LRRC4C: variants seen among roughly 807,000 people sequenced by gnomAD.
LRRC4C encodes leucine-rich repeat-containing protein 4C.
LRRC4C carries 5 observed loss-of-function variants against 33.6 expected under a neutral mutation model. The ratio of observed to expected loss-of-function variants is 0.15; its 90% CI spans 0.08 to 0.31. The LOEUF is 0.31. Ranked by LOEUF, LRRC4C falls within the 10% of genes least tolerant of loss-of-function variation. The pLI, the probability that LRRC4C is intolerant of heterozygous loss-of-function variation, is 1.00. For missense variants in LRRC4C, 560 were observed against 796.7 expected, an observed-to-expected ratio of 0.70 and a Z score of 3.58; for synonymous variants, 329 against 302.0, an observed-to-expected ratio of 1.09 and a Z score of -0.93.
At chr11:40,161,423 T>C (rs887110945) in intron 5 of LRRC4C, among the ~76,000 whole-genome samples, 3 of 152,202 alleles carry the variant, frequency 2.0e-5, no homozygotes, top group Non-Finnish European at 2.9e-5. Flanking sequence ...ATTTCTAAAA[T>C]AGCTCATGAA....
chr11:40,792,071 A>G (rs983007537), intron 2 of LRRC4C, among the ~76,000 whole-genome samples: 3 of 152,156 alleles, frequency 2.0e-5, no homozygotes, highest in African/African-American at 7.2e-5. Flanking sequence ...TTTTTTAACT[A>G]TAAGCATCAA....
intron 1 of LRRC4C, among the ~76,000 whole-genome samples, chr11:41,226,438 G>T (rs1947537969): frequency 6.6e-6 from 1 of 152,068 alleles, no homozygotes; most frequent in Non-Finnish European, 1.5e-5. Flanking sequence ...CTCAGTAGAG[G>T]ACACTGCCAT....
intron 4 of LRRC4C, among the ~76,000 whole-genome samples, chr11:40,256,773 A>G (rs985525758): frequency 2.0e-5 from 3 of 152,142 alleles, no homozygotes; most frequent in African/African-American, 4.8e-5. Flanking sequence ...CCAGAATCTT[A>G]CTTTAGTAGG....
intron 2 of LRRC4C, among the ~76,000 whole-genome samples, chr11:40,821,466 T>C (rs1327444940): frequency 1.3e-5 from 2 of 151,648 alleles, no homozygotes; most frequent in East Asian, 1.9e-4. Context: ...TTATTATAGA[T>C]TTGAGATTTG....
chr11:40,253,737 G>A (rs1317792621), intron 4 of LRRC4C, among the ~76,000 whole-genome samples: 3 of 152,138 alleles, frequency 2.0e-5, no homozygotes, highest in Non-Finnish European at 2.9e-5. Context: ...CTCGACGTAA[G>A]CCACCTGAGG....
At chr11:40,566,863 A>G (rs1298969201) in intron 3 of LRRC4C, among the ~76,000 whole-genome samples, 1 of 152,178 alleles carries the variant, frequency 6.6e-6, no homozygotes, top group African/African-American at 2.4e-5. Flanking sequence ...TCAAAATAAA[A>G]GCATAAATTA....
At chr11:41,250,481 C>T (rs1948604070) in intron 1 of LRRC4C, among the ~76,000 whole-genome samples, 1 of 152,058 alleles carries the variant, frequency 6.6e-6, no homozygotes, top group African/African-American at 2.4e-5. Context: ...TAAAATTTTC[C>T]TTGACATAAT....
intron 2 of LRRC4C, among the ~76,000 whole-genome samples, chr11:40,741,737 A>G (rs956290075): frequency 3.9e-5 from 6 of 152,098 alleles, no homozygotes; most frequent in African/African-American, 1.2e-4. Context: ...TGAAATTTTG[A>G]TAATCAAATA....
intron 5 of LRRC4C, among the ~76,000 whole-genome samples, chr11:40,165,179 T>C (rs578129446): frequency 6.6e-6 from 1 of 152,348 alleles, no homozygotes; most frequent in African/African-American, 2.4e-5. Context: ...GCTTTGTGTT[T>C]GCATATGTCT....
intron 1 of LRRC4C, among the ~76,000 whole-genome samples, chr11:41,089,258 T>C (rs770474256): frequency 1.2e-4 from 19 of 152,020 alleles, no homozygotes; most frequent in Non-Finnish European, 2.4e-4. Flanking sequence ...TTGATAATTA[T>C]GGATTTGAAA....
At position 40,161,349 on chromosome 11, in the gene LRRC4C, C is replaced by T. The variant is rs950140087; in HGVS notation, c.-95-20496G>A. On this transcript the variant is annotated intron_variant, in intron 5 of 6. Transcript: ENST00000528697. ...AGACTAGGCCTCCCAAATGTATACA[C>T]AAATTATTTTTTAAATCAGCAACAA... is the stretch of plus-strand genomic sequence containing the variant. Among the ~76,000 whole-genome samples the T allele has an allele frequency of 5.3e-5, 8 of 152,260 alleles. No homozygotes were observed. The East Asian group carries it at 7.7e-4, about 15-fold the overall frequency.
chr11:40,610,691 T>C (rs975032911), intron 3 of LRRC4C, among the ~76,000 whole-genome samples: 3 of 151,802 alleles, frequency 2.0e-5, no homozygotes, highest in Admixed American at 6.6e-5. Context: ...GGATACAAGC[T>C]CAACATATAA....
At chr11:41,451,349 CATAGAT>C (rs200306680) in intron 1 of LRRC4C, among the ~76,000 whole-genome samples, 7 of 151,700 alleles carry the variant, frequency 4.6e-5, no homozygotes, top group South Asian at 2.1e-4. Context: ...CATAGACATA[CATAGAT>C]ATAGATATAG....
At chr11:40,502,056 G>A (rs1045567024) in intron 3 of LRRC4C, among the ~76,000 whole-genome samples, 9 of 152,114 alleles carry the variant, frequency 5.9e-5, no homozygotes, top group African/African-American at 2.2e-4. Context: ...TAGTGCAGGG[G>A]CAAAATGCTG....
chr11:41,118,899 C>A (rs534029890), intron 1 of LRRC4C, among the ~76,000 whole-genome samples: 3 of 59,046 alleles, frequency 5.1e-5, no homozygotes, highest in African/African-American at 1.1e-4. Flanking sequence ...AAAATAAATC[C>A]TTTTCTTATC....
chr11:41,111,681 T>C (rs1941840657), intron 1 of LRRC4C, among the ~76,000 whole-genome samples: 2 of 151,978 alleles, frequency 1.3e-5, no homozygotes, highest in Non-Finnish European at 2.9e-5. Context: ...CTGCTGTGGT[T>C]GGAACGTAGG....
chr11:40,372,381 G>T (rs549662173), intron 3 of LRRC4C, among the ~76,000 whole-genome samples: 1 of 152,280 alleles, frequency 6.6e-6, no homozygotes, highest in African/African-American at 2.4e-5. Flanking sequence ...GCATGTAGCA[G>T]AGAAGTACAC....
intron 2 of LRRC4C, among the ~76,000 whole-genome samples, chr11:40,792,904 G>A (rs57569448): frequency 0.069 from 10,441 of 151,838 alleles, 436 homozygotes; most frequent in South Asian, 0.12. Context: ...ACCAAACACC[G>A]CATGTTCTCA....
At chr11:40,452,021 G>T (rs1015850913) in intron 3 of LRRC4C, among the ~76,000 whole-genome samples, 5 of 152,116 alleles carry the variant, frequency 3.3e-5, no homozygotes, top group Non-Finnish European at 7.3e-5. Flanking sequence ...GAAGTGCAAG[G>T]GGTCAGGGAA....
Sources: allele counts gnomAD v4.1 joint callset (sites outside exome capture counted in the v4.1 genomes callset), GRCh38; gene constraint gnomAD v4.1.1; transcripts MANE v1.5; gene names NCBI Gene and HGNC (gene_info 2026-07-23, HGNC 2026-07-21).